THSD4: variants seen among roughly 807,000 people sequenced by gnomAD.
The protein encoded by THSD4 is thrombospondin type-1 domain-containing protein 4.
A neutral mutation model predicts 119.0 loss-of-function variants in THSD4; 69 were observed. The observed-to-expected ratio is 0.58, with a 90% CI of 0.48 to 0.71. The LOEUF (loss-of-function observed/expected upper bound fraction) is 0.71. Among genes scored for constraint, THSD4 ranks in the 30% least tolerant of loss-of-function variants. The pLI, the probability that THSD4 is intolerant of heterozygous loss-of-function variation, is 0.00. For missense variants in THSD4, 1,393 were observed against 1,391.1 expected (o/e 1.00, Z -0.02); for synonymous variants, 524 against 540.4 (o/e 0.97, Z 0.42).
At chr15:71,573,291 G>A (rs2049393620) in intron 7 of THSD4, among the ~76,000 whole-genome samples, 1 of 152,196 alleles carries the variant, frequency 6.6e-6, no homozygotes, top group Non-Finnish European at 1.5e-5. Flanking sequence ...ATCCAGGCAG[G>A]GAATGCCAAG....
rs1177711674 is a variant in THSD4 at position 71,682,900 on chromosome 15, CTTTCT to C, written c.1357+22169_1357+22173del. The stretch of plus-strand genomic sequence containing the variant: ...TCTTTCTTTCTTTCTTTCTTTCTTT[CTTTCT>C]TTCTTCTTCTTCTTCTTTTTTTTTT... On this transcript the variant is annotated intron_variant, in intron 8 of 17. Transcript: ENST00000261862. 6.0e-3 allele frequency among the ~76,000 whole-genome samples: 28 copies of C among 4,658 alleles called. 1 individual carries two copies. Among genetic ancestry groups the C allele is most frequent in the African/African-American group, 0.014 (27 of 1,982 alleles). The allele number at this position is 4,658 out of a possible 152,430, so 3.1% of individuals were successfully genotyped here.
At chr15:71,449,268 T>C (rs2047231146) in intron 7 of THSD4, among the ~76,000 whole-genome samples, 1 of 152,346 alleles carries the variant, frequency 6.6e-6, no homozygotes, top group Middle Eastern at 3.4e-3. Flanking sequence ...CATAAACACA[T>C]ACACTATTAT....
chr15:71,117,534 G>A (rs988410168), intron 1 of THSD4, among the ~76,000 whole-genome samples: 10 of 151,910 alleles, frequency 6.6e-5, no homozygotes, highest in African/African-American at 1.7e-4. Flanking sequence ...CTCATTCATC[G>A]CAAAATCTCT....
chr15:71,745,090 T>C lies in THSD4; in HGVS notation c.1907-16T>C. ...GTGTGTGGGACTGTCCTTCAGACAT[T>C]CTCCTGTTGTTGCAGGATCGCAGTA... On this transcript the variant is annotated splice_polypyrimidine_tract_variant and intron_variant, in intron 11 of 17. Coordinates refer to ENST00000261862, the MANE Select transcript of THSD4 (RefSeq NM_024817.3). The C allele has an allele frequency of 6.2e-7, 1 of 1,607,710 alleles. No individual in the cohort carries two copies. The highest frequency in any genetic ancestry group is 8.5e-7 in the Non-Finnish European group (1 of 1,176,854).
intron 7 of THSD4, among the ~76,000 whole-genome samples, chr15:71,464,871 A>G (rs753647678): frequency 4.6e-5 from 7 of 152,208 alleles, no homozygotes; most frequent in Admixed American, 6.5e-5. Flanking sequence ...AGAGTAAGAC[A>G]TGAAAACACT....
rs537325691 is a variant in THSD4 at position 71,303,882 on chromosome 15, C to T, written c.1015+47167C>T. On this transcript the variant is annotated intron_variant, in intron 6 of 17. Transcript: ENST00000261862. The stretch of plus-strand genomic sequence containing the variant: ...CCCAGGAGTTCCTCACACTAGGAAC[C>T]TTGGGCTGCTCCACTTTGGGTCACA... Among the ~76,000 whole-genome samples the T allele has an allele frequency of 2.0e-5, 3 of 152,272 alleles. No individual in the cohort carries two copies. The East Asian group carries it at 5.8e-4, about 29-fold the overall frequency.
At chr15:71,608,434 AT>A (rs1180287040) in intron 7 of THSD4, among the ~76,000 whole-genome samples, 1 of 152,056 alleles carries the variant, frequency 6.6e-6, no homozygotes, top group African/African-American at 2.4e-5. Flanking sequence ...ATTATTACAA[AT>A]TCTCTGTCAA....
At chr15:71,216,581 A>C (rs1013837900) in intron 4 of THSD4, among the ~76,000 whole-genome samples, 2 of 152,204 alleles carry the variant, frequency 1.3e-5, no homozygotes, top group Non-Finnish European at 2.9e-5. Flanking sequence ...GGATGAGTCA[A>C]GTTTGAGTAG....
chr15:71,732,862 C>T (rs1256950526), intron 10 of THSD4: 1 of 152,192 alleles, frequency 6.6e-6, no homozygotes, highest in African/African-American at 2.4e-5. Flanking sequence ...CCCATCCATT[C>T]TTCTCTGAAC....
chr15:71,734,905 G>C (rs915606143), intron 10 of THSD4, among the ~76,000 whole-genome samples: 29 of 150,934 alleles, frequency 1.9e-4, no homozygotes, highest in African/African-American at 6.8e-4. Context: ...ATTTTGCCTA[G>C]CCCTTTTCTA....
At chr15:71,691,996 C>G (rs941664307) in intron 8 of THSD4, among the ~76,000 whole-genome samples, 19 of 152,204 alleles carry the variant, frequency 1.2e-4, no homozygotes, top group African/African-American at 4.3e-4. Context: ...TTTAACCTCT[C>G]TGGGAGGGAT....
chr15:71,254,366 C>T (rs1274623618), intron 5 of THSD4, among the ~76,000 whole-genome samples: 1 of 152,188 alleles, frequency 6.6e-6, no homozygotes, highest in East Asian at 1.9e-4. Flanking sequence ...GGATTTGATT[C>T]TCTTTTGCTC....
chr15:71,109,703 C>G (rs1360793004), intron 1 of THSD4, among the ~76,000 whole-genome samples: 5 of 144,592 alleles, frequency 3.5e-5, no homozygotes, highest in African/African-American at 5.2e-5. Context: ...CCATCACACA[C>G]AGAGTGGTGA....
intron 15 of THSD4, among the ~76,000 whole-genome samples, chr15:71,758,402 T>C (rs989069021): frequency 4.4e-4 from 67 of 152,334 alleles, no homozygotes; most frequent in African/African-American, 1.6e-3. Flanking sequence ...AGGTTATTTT[T>C]AGAAGAAATG....
intron 6 of THSD4, among the ~76,000 whole-genome samples, chr15:71,375,151 G>C (rs1304921732): frequency 6.6e-6 from 1 of 152,138 alleles, no homozygotes; most frequent in African/African-American, 2.4e-5. Flanking sequence ...GTCTGCCAGG[G>C]ACCGAGCACC....
chr15:71,440,426 G>A (rs1195691092), intron 7 of THSD4, among the ~76,000 whole-genome samples: 1 of 152,046 alleles, frequency 6.6e-6, no homozygotes, highest in Non-Finnish European at 1.5e-5. Context: ...TACAATGCAT[G>A]GTGTTTCAGT....
chr15:71,170,229 A>T (rs1427438775), intron 3 of THSD4, among the ~76,000 whole-genome samples: 1 of 152,120 alleles, frequency 6.6e-6, no homozygotes, highest in Non-Finnish European at 1.5e-5. Context: ...GAGAGGAGAG[A>T]ACTACACAGA....
chr15:71,099,159 C>T (rs1224088250), intron 1 of THSD4, among the ~76,000 whole-genome samples: 3 of 152,220 alleles, frequency 2.0e-5, no homozygotes, highest in Non-Finnish European at 2.9e-5. Flanking sequence ...TCTCTGGCCA[C>T]AGACCTTGCC....
At chr15:71,161,202 T>C (rs2043247101) in intron 3 of THSD4, among the ~76,000 whole-genome samples, 1 of 152,080 alleles carries the variant, frequency 6.6e-6, no homozygotes, top group Non-Finnish European at 1.5e-5. Flanking sequence ...CCATGTGCAA[T>C]TGAGAAGAAT....
Sources: gnomAD v4.1 joint callset for allele counts (sites outside exome capture counted in the v4.1 genomes callset) on GRCh38, gnomAD v4.1.1 for gene constraint, MANE v1.5 for transcripts, NCBI Gene and HGNC (gene_info 2026-07-23, HGNC 2026-07-21) for gene names.